The following DOCK11 variants were observed in gnomAD, a reference collection of about 807,000 sequenced individuals.
The protein encoded by DOCK11 is dedicator of cytokinesis protein 11.
A neutral mutation model predicts 169.1 loss-of-function variants in DOCK11; 70 were observed. The observed-to-expected ratio is 0.41, with a 90% confidence interval of 0.34 to 0.51. The LOEUF (loss-of-function observed/expected upper bound fraction) is 0.51. Ranked by LOEUF, DOCK11 falls within the 20% of genes least tolerant of loss-of-function variation. The pLI is 0.10. For synonymous variants in DOCK11, 529 were observed against 541.3 expected, an observed-to-expected ratio of 0.98 and a Z score of 0.32; for missense variants, 1,166 against 1,538.8, an observed-to-expected ratio of 0.76 and a Z score of 4.05.
intron 24 of DOCK11, among the ~76,000 whole-genome samples, chrX:118,607,675 G>C (rs899877888): frequency 9.0e-6 from 1 of 111,275 alleles, no homozygotes; most frequent in East Asian, 2.8e-4. Context: ...CTCCCAAAGT[G>C]CTGGGATTCA....
intron 1 of DOCK11, among the ~76,000 whole-genome samples, chrX:118,497,119 T>G (rs1490231095): frequency 1.8e-5 from 2 of 112,755 alleles, no homozygotes; most frequent in African/African-American, 6.5e-5. Flanking sequence ...GTTTTTTGGT[T>G]GTTGTTTTTG....
chrX:118,621,613 C>T (rs946906857), intron 31 of DOCK11, among the ~76,000 whole-genome samples: 5 of 111,677 alleles, frequency 4.5e-5, no homozygotes, highest in Non-Finnish European at 7.5e-5. Flanking sequence ...TTATGTGTTA[C>T]TCATAAACTA....
At chrX:118,588,071 A>G (rs2013870698) in intron 16 of DOCK11, 66 bp from the exon 17 acceptor site, 1 of 882,714 alleles carries the variant, frequency 1.1e-6, no homozygotes, top group Non-Finnish European at 1.5e-6. Flanking sequence ...TATTTTTTAT[A>G]CATGCAGGAA....
At chrX:118,613,646 AG>A (rs2014738686) in intron 28 of DOCK11, among the ~76,000 whole-genome samples, 1 of 112,607 alleles carries the variant, frequency 8.9e-6, no homozygotes, top group South Asian at 3.6e-4. Context: ...AAAGACTTAG[AG>A]GTGGGAATAC....
chrX:118,631,347 T>A (rs903696562), intron 35 of DOCK11, among the ~76,000 whole-genome samples: 2 of 108,796 alleles, frequency 1.8e-5, no homozygotes, highest in Non-Finnish European at 3.9e-5. Flanking sequence ...TAAGTAGCTA[T>A]AGAAACATTA....
intron 1 of DOCK11, among the ~76,000 whole-genome samples, chrX:118,524,678 G>A (rs997438697): frequency 9.0e-5 from 10 of 111,236 alleles, no homozygotes; most frequent in Non-Finnish European, 1.7e-4. Flanking sequence ...AAACCACAAC[G>A]AGATACCACC....
At chrX:118,509,623 G>C (rs1391020014) in intron 1 of DOCK11, among the ~76,000 whole-genome samples, 2 of 112,511 alleles carry the variant, frequency 1.8e-5, no homozygotes, top group South Asian at 7.2e-4. Context: ...GGATAACGCA[G>C]TCCAGCAAGT....
At chrX:118,550,749 A>G (rs1254288260) in intron 6 of DOCK11, among the ~76,000 whole-genome samples, 1 of 111,914 alleles carries the variant, frequency 8.9e-6, no homozygotes, top group Non-Finnish European at 1.9e-5. Flanking sequence ...GGATTGTTTC[A>G]GGCATAGGAG....
At chrX:118,648,521 T>C (rs1471683215) in intron 40 of DOCK11, among the ~76,000 whole-genome samples, 1 of 89,667 alleles carries the variant, frequency 1.1e-5, no homozygotes, top group Non-Finnish European at 2.2e-5. Flanking sequence ...TAATATGTAA[T>C]ATATATATAT....
intron 45 of DOCK11, 58 bp downstream of exon 45, chrX:118,662,850 A>C: frequency 1.4e-6 from 1 of 710,019 alleles, no homozygotes; most frequent in Admixed American, 2.8e-5. Context: ...TAAAATTCAT[A>C]TATATTAAAC....
At chrX:118,520,613 G>C (rs2057716288) in intron 1 of DOCK11, among the ~76,000 whole-genome samples, 1 of 111,608 alleles carries the variant, frequency 9.0e-6, no homozygotes, top group Non-Finnish European at 1.9e-5. Flanking sequence ...TGGAGGGTGA[G>C]GTTCTCCATG....
intron 1 of DOCK11, among the ~76,000 whole-genome samples, chrX:118,531,580 C>G (rs777874008): frequency 2.2e-3 from 229 of 105,815 alleles, no homozygotes; most frequent in African/African-American, 7.7e-3. Context: ...TTTTTTGAAA[C>G]AGAGTCTTGC....
Position 118,676,058 on chromosome X carries a change from A to T in DOCK11, c.5313+9A>T, listed in dbSNP as rs1480231846. The T allele has an allele frequency of 9.3e-7, 1 of 1,080,583 alleles. No individual in the cohort carries two copies. The highest frequency in any genetic ancestry group is 1.3e-6 in the Non-Finnish European group (1 of 790,880). The allele number at this position is 1,080,583 out of a possible 1,213,427, so 89.1% of individuals were successfully genotyped here. A position where few individuals can be genotyped will look rare whatever the true frequency, so the allele number is the denominator to read the frequency against. ...TTGCCTTTTATGGCCAAGTAAGTGT[A>T]CTTGAATCCATAAAGTTTTCCTTTT... is the stretch of plus-strand genomic sequence containing the variant. On this transcript the variant is annotated intron_variant, in intron 47 of 52. Coordinates refer to ENST00000276202, the MANE Select transcript of DOCK11 (RefSeq NM_144658.4).
At chrX:118,608,505 C>A in intron 26 of DOCK11, 149 bp downstream of exon 26, 2 of 686,101 alleles carry the variant, frequency 2.9e-6, no homozygotes, top group Non-Finnish European at 4.2e-6. Context: ...TCCTGAAGTT[C>A]TCCACAGAAC....
chrX:118,654,472 A>G, intron 42 of DOCK11, 130 bp from the exon 43 acceptor site: 1 of 508,717 alleles, frequency 2.0e-6, no homozygotes, highest in Middle Eastern at 6.1e-4. Context: ...AAATTATTTC[A>G]GTGTACTATA....
At chrX:118,596,828 C>T (rs1178004663) in intron 20 of DOCK11, among the ~76,000 whole-genome samples, 3 of 112,089 alleles carry the variant, frequency 2.7e-5, no homozygotes, top group Non-Finnish European at 5.6e-5. Context: ...TACACCTACA[C>T]CTCTTCCTTC....
chrX:118,563,416 C>T (rs2012974237), intron 7 of DOCK11, among the ~76,000 whole-genome samples: 1 of 110,766 alleles, frequency 9.0e-6, no homozygotes, highest in African/African-American at 3.3e-5. Flanking sequence ...TGGAATTAGC[C>T]AGTGCACTCC....
intron 31 of DOCK11, among the ~76,000 whole-genome samples, chrX:118,623,735 C>T (rs1222884936): frequency 8.8e-6 from 1 of 113,132 alleles, no homozygotes; most frequent in Non-Finnish European, 1.9e-5. Context: ...CAGTAATCTT[C>T]TACATTCTAC....
At chrX:118,537,723 A>G (rs112383533) in intron 1 of DOCK11, among the ~76,000 whole-genome samples, 1,178 of 111,913 alleles carry the variant, frequency 0.011, 10 homozygotes, top group African/African-American at 0.036. Flanking sequence ...ATGTACAGGA[A>G]CCACCACAAA....
Sources: gnomAD v4.1 joint callset for allele counts (sites outside exome capture counted in the v4.1 genomes callset) on GRCh38, gnomAD v4.1.1 for gene constraint, MANE v1.5 for transcripts, NCBI Gene and HGNC (gene_info 2026-07-23, HGNC 2026-07-21) for gene names.